GDA: variants seen among roughly 807,000 people sequenced by gnomAD.
The protein encoded by GDA is guanine deaminase, also known as cytoplasmic PSD-95 interactor.
GDA carries 18 observed loss-of-function variants against 59.6 expected under a neutral mutation model. The observed-to-expected ratio is 0.30, with a 90% CI of 0.21 to 0.45. GDA has a LOEUF of 0.45. Ranked by LOEUF, GDA falls within the 20% of genes least tolerant of loss-of-function variation. GDA has a pLI of 1.00. For missense variants in GDA, 427 were observed against 552.3 expected (o/e 0.77, Z 2.27); for synonymous variants, 201 against 201.1 (o/e 1.00, Z 0.00).
At chr9:72,243,475 A>G (rs1186237756) in intron 11 of GDA, among the ~76,000 whole-genome samples, 1 of 152,220 alleles carries the variant, frequency 6.6e-6, no homozygotes, top group Non-Finnish European at 1.5e-5. Context: ...TTAAAAACTC[A>G]TACTTGACAT....
chr9:72,243,482 A>G (rs1017048386), intron 11 of GDA, among the ~76,000 whole-genome samples: 4 of 152,192 alleles, frequency 2.6e-5, no homozygotes, highest in African/African-American at 9.6e-5. Flanking sequence ...CTCATACTTG[A>G]CATGTTTCTT....
intron 1 of GDA, among the ~76,000 whole-genome samples, chr9:72,190,841 G>A (rs572914554): frequency 8.6e-4 from 131 of 151,936 alleles, no homozygotes; most frequent in African/African-American, 1.7e-3. Flanking sequence ...TGTATTACAC[G>A]TTTTGAAAGT....
chr9:72,254,780 A>G (rs922475878), downstream of GDA, among the ~76,000 whole-genome samples: 1 of 152,216 alleles, frequency 6.6e-6, no homozygotes, highest in African/African-American at 2.4e-5. Context: ...CCAAGCGAGA[A>G]TTCTGTTTGT....
At chr9:72,199,998 T>TC (rs1173614922) in intron 2 of GDA, among the ~76,000 whole-genome samples, 2 of 145,614 alleles carry the variant, frequency 1.4e-5, no homozygotes, top group Admixed American at 6.8e-5. Flanking sequence ...TCCTTTCTTT[T>TC]TTTTTTTTTT....
chr9:72,160,400 C>G (rs1828468410), intron 1 of GDA, among the ~76,000 whole-genome samples: 1 of 152,212 alleles, frequency 6.6e-6, no homozygotes, highest in African/African-American at 2.4e-5. Context: ...TATTTCCTCT[C>G]TTCACCTCTG....
intron 1 of GDA, among the ~76,000 whole-genome samples, chr9:72,154,467 A>C (rs1280262966): frequency 6.6e-6 from 1 of 152,206 alleles, no homozygotes; most frequent in Non-Finnish European, 1.5e-5. Context: ...ACATGGTGAC[A>C]TGCCAAGTGG....
intron 1 of GDA, among the ~76,000 whole-genome samples, chr9:72,191,078 A>T (rs1336630068): frequency 8.5e-5 from 13 of 152,210 alleles, no homozygotes; most frequent in Admixed American, 8.5e-4. Flanking sequence ...TATGTGATAA[A>T]TTTACATATT....
intron 1 of GDA, among the ~76,000 whole-genome samples, chr9:72,193,298 G>A (rs930065444): frequency 6.6e-6 from 1 of 152,210 alleles, no homozygotes; most frequent in Non-Finnish European, 1.5e-5. Context: ...TATTTGAAAG[G>A]ACTTTGGTGT....
chr9:72,218,271 A>G (rs1471007489), intron 5 of GDA, among the ~76,000 whole-genome samples: 1 of 152,226 alleles, frequency 6.6e-6, no homozygotes, highest in Non-Finnish European at 1.5e-5. Flanking sequence ...TGCTTTAGAT[A>G]CAAATCTTTG....
chr9:72,248,204 C>T, intron 13 of GDA, 68 bp from the exon 14 acceptor site: 1 of 1,075,290 alleles, frequency 9.3e-7, no homozygotes, highest in Non-Finnish European at 1.4e-6. Context: ...AAAATCTCTC[C>T]CAATGGCAAG....
chr9:72,171,455 G>A (rs1436806460), intron 1 of GDA, among the ~76,000 whole-genome samples: 2 of 152,076 alleles, frequency 1.3e-5, no homozygotes, highest in African/African-American at 2.4e-5. Context: ...TACCTGGGAT[G>A]GTTTGTTCCT....
At chr9:72,132,580 T>C (rs1353583700) in intron 1 of GDA, among the ~76,000 whole-genome samples, 1 of 152,158 alleles carries the variant, frequency 6.6e-6, no homozygotes, top group Non-Finnish European at 1.5e-5. Context: ...TTTTAAATCA[T>C]GTCATCACTC....
At position 72,251,455 on chromosome 9, in the gene GDA, T is replaced by G. The variant is rs1211726276; in HGVS notation, c.*3113T>G. On this transcript the variant is annotated 3_prime_UTR_variant, in exon 14 of 14. Transcript: ENST00000358399. ...GCTATACGTAGGAGAGATCCAAAATTTGGATGCTTCTGGAGACTCTTAGAC... is the reference window on the plus strand; with the variant it reads ...GCTATACGTAGGAGAGATCCAAAATGTGGATGCTTCTGGAGACTCTTAGAC... The G allele has an allele frequency of 6.6e-6, 1 of 152,128 alleles. No individual in the cohort carries two copies. Among genetic ancestry groups the G allele is most frequent in the Non-Finnish European group, 1.5e-5 (1 of 68,014 alleles). The allele number at this position is 152,128 out of a possible 1,614,324, so 9.4% of individuals were successfully genotyped here.
intron 5 of GDA, among the ~76,000 whole-genome samples, chr9:72,219,195 GAGATCAAGACC>G (rs1172658873): frequency 2.0e-5 from 3 of 152,068 alleles, no homozygotes; most frequent in Non-Finnish European, 4.4e-5. Context: ...ACCAGGTCAG[GAGATCAAGACC>G]ATCCTGGCTA....
intron 8 of GDA, among the ~76,000 whole-genome samples, chr9:72,227,074 C>T (rs1587724758): frequency 6.6e-6 from 1 of 152,106 alleles, no homozygotes; most frequent in Admixed American, 6.5e-5. Flanking sequence ...GTCGAGATTG[C>T]GCCACTGCAC....
chr9:72,204,090 C>T (rs972786012), intron 3 of GDA, among the ~76,000 whole-genome samples: 1 of 152,174 alleles, frequency 6.6e-6, no homozygotes, highest in Non-Finnish European at 1.5e-5. Context: ...GTCAGGATTA[C>T]AGGCATGAGC....
At chr9:72,202,491 T>C (rs2131347488) in intron 2 of GDA, 80 bp from the exon 3 acceptor site, 1 of 962,478 alleles carries the variant, frequency 1.0e-6, no homozygotes, top group East Asian at 2.5e-5. Context: ...GAAATCATGC[T>C]TGGGAAAAAA....
At position 72,239,567 on chromosome 9, in the gene GDA, T is replaced by C. The variant is rs529456296; in HGVS notation, c.989-1585T>C. ...TTATAAAATATAGTTAGTCTTTACA[T>C]ATTTTATACCACATAGTGATATAAT... On this transcript the variant is annotated intron_variant, in intron 10 of 13. Coordinates refer to ENST00000358399, the MANE Select transcript of GDA (RefSeq NM_004293.5). Among the ~76,000 whole-genome samples the C allele has an allele frequency of 5.3e-5, 8 of 152,284 alleles. No individual in the cohort carries two copies. In the East Asian group the frequency reaches 1.5e-3, roughly 29 times the overall value.
At chr9:72,195,947 G>A (rs991760078) in intron 2 of GDA, among the ~76,000 whole-genome samples, 5 of 152,018 alleles carry the variant, frequency 3.3e-5, no homozygotes, top group East Asian at 3.9e-4. Context: ...AGATACCTGC[G>A]CATGACCATA....
Sources: gnomAD v4.1 joint callset for allele counts (sites outside exome capture counted in the v4.1 genomes callset) on GRCh38, gnomAD v4.1.1 for gene constraint, MANE v1.5 for transcripts, NCBI Gene and HGNC (gene_info 2026-07-23, HGNC 2026-07-21) for gene names.